PRB4: variants seen among roughly 807,000 people sequenced by gnomAD.
PRB4 encodes basic salivary proline-rich protein 4.
In PRB4, 14 loss-of-function variants were observed where a neutral mutation model predicts 9.1. That is an observed-to-expected ratio of 1.54 (90% confidence interval 1.02 to 2.41). The LOEUF is 2.41. Among genes scored for constraint, PRB4 ranks in the 30% most tolerant of loss-of-function variants. The pLI is 0.00. For missense variants in PRB4, 381 were observed against 299.3 expected (o/e 1.27, Z -2.02); for synonymous variants, 102 against 108.5 (o/e 0.94, Z 0.37).
intron 1 of PRB4, 141 bp from the exon 2 acceptor site, chr12:11,309,546 CTGGAAGGGG>C: frequency 6.6e-7 from 1 of 1,522,960 alleles, no homozygotes; most frequent in Non-Finnish European, 9.0e-7. Flanking sequence ...TGTGAAGGTG[CTGGAAGGGG>C]TGGAAGGTGT....
rs1310876884 is a variant in PRB4, at chr12:11,307,091, A to G, written c.*127T>C. The G allele has an allele frequency of 6.5e-6, 1 of 154,572 alleles. No individual in the cohort carries two copies. Among genetic ancestry groups the G allele is most frequent in the Non-Finnish European group, 1.5e-5 (1 of 68,040 alleles). 9.6% of individuals were successfully genotyped at this position (154,572 alleles called of 1,614,324 possible). On this transcript the variant is annotated 3_prime_UTR_variant, in exon 4 of 4. Coordinates refer to ENST00000279575, the MANE Select transcript of PRB4 (RefSeq NM_002723.6). ...CACCACAATCAGAAATTGCAAGCTG[A>G]TTATTTTATTGGTATATTAAAGTTA...
chr12:11,308,434 T>G lies in PRB4; in HGVS notation c.549A>C (p.Pro183=). The change falls in exon 3 of 4, where the codon CCA becomes CCC. Residue 183 remains proline (P), a synonymous_variant. Transcript: ENST00000279575. ...TGCCTTCTTGTTGGGGTGGTCCTTG[T>G]GGCTTTCCTGGAGGAGATCGGGCAC... ...SRSARSPPGK[P]QGPPQQEGNK... is the part of the protein sequence containing the mutation. 2 of 1,613,840 alleles carry G rather than the reference T, an allele frequency of 1.2e-6. No individual in the cohort carries two copies. Among genetic ancestry groups the G allele is most frequent in the Non-Finnish European group, 1.7e-6 (2 of 1,179,920 alleles).
intron 2 of PRB4, 125 bp downstream of exon 2, chr12:11,309,245 C>A: frequency 6.6e-7 from 1 of 1,504,748 alleles, no homozygotes; most frequent in South Asian, 1.2e-5. Context: ...TTGCCTATAT[C>A]ATTAGGGGCA....
At position 11,308,384 on chromosome 12, in the gene PRB4, G is replaced by A. The variant is rs763738977; in HGVS notation, c.599C>T (p.Pro200Leu). Residue 200 changes from proline to leucine, a missense_variant, in exon 3 of 4, where the codon CCT becomes CTT. Pro to Leu is a moderately conservative substitution (Grantham distance 98). Around this residue, in one of 3 missense-constraint regions of PRB4, gnomAD observed 204 missense variants for 134.4 expected, o/e 1.52. Coordinates refer to ENST00000279575, the MANE Select transcript of PRB4 (RefSeq NM_002723.6). ...TGGGGGTGGGCCTTGTGGCTTTCCAGGAGGTGGGGGACCTTGAGGCTTGTT... is the reference window on the plus strand; with the variant it reads ...TGGGGGTGGGCCTTGTGGCTTTCCAAGAGGTGGGGGACCTTGAGGCTTGTT... ...EGNKPQGPPP[P>L]GKPQGPPPAG... The A allele has an allele frequency of 1.9e-6, 3 of 1,602,958 alleles. No homozygotes were observed. The highest frequency in any genetic ancestry group is 1.3e-5 in the African/African-American group (1 of 74,638).
At chr12:11,309,265 A>G (rs1255812714) in intron 2 of PRB4, 105 bp downstream of exon 2, 4 of 1,581,916 alleles carry the variant, frequency 2.5e-6, no homozygotes. Flanking sequence ...AATAACATTA[A>G]TCAATTCCTG....
In PRB4 at chr12:11,307,432, C is replaced by T. The variant is rs571019605; in HGVS notation, c.*19-233G>A. ...GTGTCCAGTGACAGGGATTGGTTAA[C>T]GAAATCATGGCACAGCTACACAATA... is the stretch of plus-strand genomic sequence containing the variant. On this transcript the variant is annotated intron_variant, in intron 3 of 3. Coordinates refer to ENST00000279575, the MANE Select transcript of PRB4 (RefSeq NM_002723.6). Among the ~76,000 whole-genome samples, 62 of 152,148 alleles carry T rather than the reference C, an allele frequency of 4.1e-4. No individual in the cohort carries two copies. The South Asian group carries it at 4.6e-3, about 11-fold the overall frequency.
chr12:11,308,131 T>C (rs1862952469), intron 3 of PRB4, 90 bp downstream of exon 3: 1 of 1,435,712 alleles, frequency 7.0e-7, no homozygotes, highest in Non-Finnish European at 9.5e-7. Context: ...GACAATACAA[T>C]GTCAATGGGT....
rs145538331 is a variant in PRB4 at position 11,308,825 on chromosome 12, G to A, written c.158C>T (p.Pro53Leu). The part of the protein sequence containing the change: ...GGNQPQRPPP[P>L]PGKPQGPPPQ... ...GGGTGGTCCTTGTGGCTTTCCTGGA[G>A]GAGGTGGGGGACGTTGGGGCTGGTT... Residue 53 changes from proline (P) to leucine (L), a missense_variant, in exon 3 of 4, where the codon CCT becomes CTT. By Grantham distance (98) the Pro-to-Leu change is moderately conservative. Coordinates refer to ENST00000279575, the MANE Select transcript of PRB4 (RefSeq NM_002723.6). 3.9e-6 allele frequency: 6 copies of A among 1,547,796 alleles called. No individual in the cohort carries two copies. Among genetic ancestry groups the A allele is most frequent in the South Asian group, 1.1e-5 (1 of 88,508 alleles).
At chr12:11,309,627 C>CT (rs761568423) in intron 1 of PRB4, among the ~76,000 whole-genome samples, 6 of 152,134 alleles carry the variant, frequency 3.9e-5, no homozygotes, top group East Asian at 3.9e-4. Flanking sequence ...AGAACAGCCC[C>CT]TTTTTTTCCT....
intron 2 of PRB4, 24 bp from the exon 3 acceptor site, chr12:11,308,906 G>C (rs1458996737): frequency 6.2e-7 from 1 of 1,613,860 alleles, no homozygotes; most frequent in Non-Finnish European, 8.5e-7. Context: ...GGGACATACG[G>C]CATTCACTGA....
chr12:11,307,629 C>T (rs1405107523), intron 3 of PRB4, among the ~76,000 whole-genome samples: 1 of 152,070 alleles, frequency 6.6e-6, no homozygotes, highest in African/African-American at 2.4e-5. Context: ...TGTCTATGCA[C>T]ACATAAATAT....
At chr12:11,309,187 C>A (rs1181385690) in intron 2 of PRB4, among the ~76,000 whole-genome samples, 183 bp downstream of exon 2, 1 of 152,132 alleles carries the variant, frequency 6.6e-6, no homozygotes, top group Non-Finnish European at 1.5e-5. Context: ...CTCTGACATT[C>A]CATTTGGTGG....
chr12:11,307,809 C>T (rs542481755), intron 3 of PRB4, among the ~76,000 whole-genome samples: 20 of 152,242 alleles, frequency 1.3e-4, no homozygotes, highest in South Asian at 2.1e-4. Flanking sequence ...AAAAGTGACA[C>T]GCCATTTAGC....
rs565840937 is a variant in PRB4 at position 11,309,050 on chromosome 12, A to C, written c.101-168T>G. ...GTGGAACGCTGGGGGAAAAGGGAGA[A>C]GTTGAGGGGCTCTCAGTCTAAGGAG... On this transcript the variant is annotated intron_variant, in intron 2 of 3. Coordinates refer to ENST00000279575, the MANE Select transcript of PRB4 (RefSeq NM_002723.6). Among the ~76,000 whole-genome samples the C allele has an allele frequency of 9.7e-5, 5 of 51,414 alleles. No individual in the cohort carries two copies. In the Admixed American group the frequency reaches 1.2e-3, roughly 12 times the overall value. The allele number at this position is 51,414 out of a possible 152,430, so 33.7% of individuals were successfully genotyped here. A position where few individuals can be genotyped will look rare whatever the true frequency, so the allele number is the denominator to read the frequency against.
Position 11,308,465 on chromosome 12 carries a change from G to A in PRB4, c.518C>T (p.Ser173Phe), listed in dbSNP as rs142363444. The change falls in exon 3 of 4, where the codon TCC (serine) becomes TTC (phenylalanine). Residue 173 changes from serine to phenylalanine, a missense_variant. Physicochemically the swap from Ser to Phe is radical, Grantham distance 155. Coordinates refer to ENST00000279575, the MANE Select transcript of PRB4 (RefSeq NM_002723.6). ...EGPPPQEGNK[S>F]RSARSPPGKP... ...TCCTGGAGGAGATCGGGCACTTCGG[G>A]ACTTGTTTCCTTCCTGTGGGGGTGG... is the stretch of plus-strand genomic sequence containing the variant. 257 of 1,613,392 alleles carry A rather than the reference G, an allele frequency of 1.6e-4. 3 individuals are homozygous for A. In the African/African-American group the frequency reaches 3.2e-3, roughly 20 times the overall value.
chr12:11,308,918 T>G, intron 2 of PRB4, 36 bp from the exon 3 acceptor site: 1 of 1,612,568 alleles, frequency 6.2e-7, no homozygotes. Context: ...ATTCACTGAA[T>G]AGTTGCCACA....
At chr12:11,310,224 G>A in intron 1 of PRB4, 111 bp downstream of exon 1, 1 of 1,395,798 alleles carries the variant, frequency 7.2e-7, no homozygotes. Context: ...TCCTAGGCAT[G>A]AAAACTCTGC....
Position 11,310,379 on chromosome 12 carries a change from G to C in PRB4, c.20C>G (p.Ser7Ter). Residue 7 changes from serine (S) to a stop codon, truncating the protein, a stop_gained, in exon 1 of 4, where the codon TCA (serine) becomes TGA (stop). Transcript: ENST00000279575. LOFTEE classifies it high-confidence loss of function. MLLILL[S>*]VALLALSSAE... is the part of the protein sequence containing the mutation. ...TGAGCTCAGGGCCAGCAGGGCCACTGACAGCAGAATCAGCAGCATCTCGCT... is the reference window on the plus strand; with the variant it reads ...TGAGCTCAGGGCCAGCAGGGCCACTCACAGCAGAATCAGCAGCATCTCGCT... 1 of 1,614,248 alleles carries C rather than the reference G, an allele frequency of 6.2e-7. No homozygotes were observed.
Position 11,308,541 on chromosome 12 carries a change from C to T in PRB4, c.442G>A (p.Gly148Arg). The change falls in exon 3 of 4, where the codon GGA (glycine) becomes AGA (arginine). Residue 148 changes from glycine (G) to arginine (R), a missense_variant. This residue lies in a region of PRB4 where 204 missense variants were observed against 134.4 expected (regional missense o/e 1.52). Transcript: ENST00000279575. ...PGKPERPPPQ[G>R]GNQSQGPPPH... ...GGGGGACCTTGGGACTGGTTACCTC[C>T]TTGTGGGGGTGGTCTTTCTGGCTTT... 1 of 1,580,448 alleles carries T rather than the reference C, an allele frequency of 6.3e-7. No individual in the cohort carries two copies. The highest frequency in any genetic ancestry group is 8.6e-7 in the Non-Finnish European group (1 of 1,156,710).
Sources: gnomAD v4.1 joint callset for allele counts (sites outside exome capture counted in the v4.1 genomes callset) on GRCh38, gnomAD v4.1.1 for gene constraint, gnomAD v4.1.1 regional missense constraint, MANE v1.5 for transcripts, NCBI Gene and HGNC (gene_info 2026-07-23, HGNC 2026-07-21) for gene names.